Variants in CNTN4 observed in about 807,000 individuals in gnomAD.
CNTN4 encodes the protein contactin-4.
A neutral mutation model predicts 122.5 loss-of-function variants in CNTN4; 77 were observed. The ratio of observed to expected loss-of-function variants is 0.63; its 90% CI spans 0.52 to 0.76. CNTN4 has a LOEUF of 0.76. CNTN4 is among the 30% of genes least tolerant of loss of function. The pLI, the probability that CNTN4 is intolerant of heterozygous loss-of-function variation, is 0.00. For missense variants in CNTN4, 1,256 were observed against 1,259.1 expected (o/e 1.00, Z 0.04); for synonymous variants, 512 against 447.0 (o/e 1.15, Z -1.83).
At chr3:2,719,340 G>T (rs1248181657) in intron 4 of CNTN4, among the ~76,000 whole-genome samples, 1 of 150,806 alleles carries the variant, frequency 6.6e-6, no homozygotes. Flanking sequence ...CTGTCGCCCA[G>T]GCTGGAATGC....
chr3:2,936,393 T>C (rs1397349677), intron 13 of CNTN4, among the ~76,000 whole-genome samples: 3 of 152,196 alleles, frequency 2.0e-5, no homozygotes, highest in Non-Finnish European at 4.4e-5. Context: ...TCGGGAATTC[T>C]GAGATGGGGC....
At chr3:2,886,901 A>G (rs572370803) in intron 9 of CNTN4, 139 bp from the exon 10 acceptor site, 395 of 664,872 alleles carry the variant, frequency 5.9e-4, no homozygotes, top group Non-Finnish European at 9.5e-4. Flanking sequence ...GATTAAAGTT[A>G]TAATGGAGAT....
rs371942066 is a variant in CNTN4 at position 2,491,467 on chromosome 3, T to C, written c.-88-79949T>C. Among the ~76,000 whole-genome samples the C allele has an allele frequency of 7.4e-4, 112 of 152,288 alleles. No homozygotes were observed. In the Middle Eastern group the frequency reaches 0.014, roughly 18 times the overall value. ...CTATTGAATCTAAATTTTGGGTGTATTGGTGATTATTATACTTAAAAAATA... is the reference window on the plus strand; with the variant it reads ...CTATTGAATCTAAATTTTGGGTGTACTGGTGATTATTATACTTAAAAAATA... On this transcript the variant is annotated intron_variant, in intron 3 of 24. Coordinates refer to ENST00000418658, the MANE Select transcript of CNTN4 (RefSeq NM_175607.3).
intron 13 of CNTN4, among the ~76,000 whole-genome samples, chr3:2,950,390 C>T (rs749639842): frequency 2.6e-5 from 4 of 152,186 alleles, no homozygotes; most frequent in African/African-American, 4.8e-5. Flanking sequence ...GGGCCTGAAC[C>T]TGCCAAATGA....
At chr3:2,856,636 T>A (rs1177401159) in intron 7 of CNTN4, among the ~76,000 whole-genome samples, 1 of 152,206 alleles carries the variant, frequency 6.6e-6, no homozygotes, top group Non-Finnish European at 1.5e-5. Context: ...CACTGTGTCT[T>A]CTCTTTGCAG....
At chr3:2,165,323 T>TAAAAAAAA (rs1174087198) in intron 2 of CNTN4, among the ~76,000 whole-genome samples, 1 of 142,710 alleles carries the variant, frequency 7.0e-6, no homozygotes, top group African/African-American at 2.6e-5. Context: ...GACTGCATCT[T>TAAAAAAAA]AAAAAAAAAA....
At chr3:2,651,182 A>G (rs1367768518) in intron 4 of CNTN4, among the ~76,000 whole-genome samples, 1 of 152,160 alleles carries the variant, frequency 6.6e-6, no homozygotes, top group Non-Finnish European at 1.5e-5. Context: ...ATTGCAGTCT[A>G]TTTAACAGCT....
At chr3:2,490,543 G>T (rs1235570713) in intron 3 of CNTN4, among the ~76,000 whole-genome samples, 2 of 152,194 alleles carry the variant, frequency 1.3e-5, no homozygotes, top group African/African-American at 2.4e-5. Context: ...ATGTCTCCGG[G>T]TATGGTGGAA....
At chr3:2,944,370 C>A (rs1258985300) in intron 13 of CNTN4, among the ~76,000 whole-genome samples, 2 of 152,058 alleles carry the variant, frequency 1.3e-5, no homozygotes, top group Non-Finnish European at 2.9e-5. Context: ...CTAAGAGCAG[C>A]ATCTAGTCTA....
intron 4 of CNTN4, chr3:2,629,522 C>T (rs1296864075): frequency 2.2e-6 from 1 of 452,788 alleles, no homozygotes; most frequent in Non-Finnish European, 4.4e-6. Flanking sequence ...CCTTCCCGTT[C>T]TAGGTTCACA....
chr3:2,457,480 T>C (rs2049044989), intron 3 of CNTN4, among the ~76,000 whole-genome samples: 1 of 152,042 alleles, frequency 6.6e-6, no homozygotes, highest in African/African-American at 2.4e-5. Context: ...ATCCAAACAG[T>C]AAAGAAATAT....
At chr3:2,630,585 C>G (rs4685537) in intron 4 of CNTN4, among the ~76,000 whole-genome samples, 1 of 151,926 alleles carries the variant, frequency 6.6e-6, no homozygotes, top group South Asian at 2.1e-4. Flanking sequence ...TATTAGTACA[C>G]GAATCATAAA....
At chr3:2,859,923 G>A (rs1052888823) in intron 7 of CNTN4, among the ~76,000 whole-genome samples, 2 of 152,182 alleles carry the variant, frequency 1.3e-5, no homozygotes, top group African/African-American at 4.8e-5. Flanking sequence ...GAAGTTACAT[G>A]TAAGAGGGGG....
At chr3:2,383,795 C>T (rs537420082) in intron 3 of CNTN4, among the ~76,000 whole-genome samples, 1 of 150,634 alleles carries the variant, frequency 6.6e-6, no homozygotes, top group East Asian at 2.0e-4. Context: ...CCTTTCTTTC[C>T]TCTCTTCTCC....
intron 2 of CNTN4, among the ~76,000 whole-genome samples, chr3:2,113,175 G>T (rs1033974127): frequency 1.3e-5 from 2 of 152,150 alleles, no homozygotes; most frequent in Admixed American, 6.6e-5. Flanking sequence ...ACTGAAGCGG[G>T]TGGAAGGGCT....
intron 3 of CNTN4, among the ~76,000 whole-genome samples, chr3:2,561,661 C>T (rs1362051383): frequency 2.6e-5 from 4 of 152,218 alleles, no homozygotes; most frequent in East Asian, 1.9e-4. Context: ...TTCAACAACC[C>T]TGTATTTTCA....
At chr3:2,337,715 C>G (rs2044011291) in intron 2 of CNTN4, among the ~76,000 whole-genome samples, 1 of 151,888 alleles carries the variant, frequency 6.6e-6, no homozygotes, top group South Asian at 2.1e-4. Flanking sequence ...AAGTATTATT[C>G]CACTGGATAG....
intron 2 of CNTN4, chr3:2,144,388 G>A (rs1224173432): frequency 6.6e-6 from 1 of 152,200 alleles, no homozygotes; most frequent in African/African-American, 2.4e-5. Context: ...CCCACTGATA[G>A]TGTTTTAGAC....
chr3:2,626,807 C>G (rs928399414), intron 4 of CNTN4, among the ~76,000 whole-genome samples: 1 of 152,152 alleles, frequency 6.6e-6, no homozygotes, highest in Non-Finnish European at 1.5e-5. Flanking sequence ...GTCAACTGTA[C>G]TAGATGCTAG....
Sources: gnomAD v4.1 joint callset for allele counts (sites outside exome capture counted in the v4.1 genomes callset) on GRCh38, gnomAD v4.1.1 for gene constraint, MANE v1.5 for transcripts, NCBI Gene and HGNC (gene_info 2026-07-23, HGNC 2026-07-21) for gene names.